Variants in SLC12A6 observed in about 807,000 individuals in gnomAD.
SLC12A6 encodes the protein solute carrier family 12 member 6, also known as K-Cl cotransporter 3.
SLC12A6 carries 66 observed loss-of-function variants against 135.3 expected under a neutral mutation model. The ratio of observed to expected loss-of-function variants is 0.49; its 90% CI spans 0.40 to 0.60. The LOEUF is 0.60. Ranked by LOEUF, SLC12A6 falls within the 20% of genes least tolerant of loss-of-function variation. The pLI is 0.00. For missense variants in SLC12A6, 1,058 were observed against 1,452.3 expected (o/e 0.73, Z 4.41); for synonymous variants, 513 against 508.8 (o/e 1.01, Z -0.11).
At chr15:34,309,750 G>A (rs1007836209) in intron 2 of SLC12A6, among the ~76,000 whole-genome samples, 10 of 152,126 alleles carry the variant, frequency 6.6e-5, no homozygotes, top group Non-Finnish European at 4.4e-5. Flanking sequence ...GATACTGCGG[G>A]TTGGGGAAGG....
chr15:34,288,450 T>C (rs959262213), intron 2 of SLC12A6, among the ~76,000 whole-genome samples: 1 of 152,272 alleles, frequency 6.6e-6, no homozygotes, highest in African/African-American at 2.4e-5. Context: ...TGCACAGGAT[T>C]GCCTTGGCAA....
chr15:34,270,657 G>A (rs1382593986), intron 3 of SLC12A6, among the ~76,000 whole-genome samples: 2 of 151,908 alleles, frequency 1.3e-5, no homozygotes. Flanking sequence ...ACAAAAATTA[G>A]CCAGGTGTGA....
intron 2 of SLC12A6, among the ~76,000 whole-genome samples, chr15:34,296,802 A>G (rs548034472): frequency 2.0e-5 from 3 of 152,346 alleles, no homozygotes; most frequent in African/African-American, 7.2e-5. Flanking sequence ...GGAATCCAAC[A>G]GAGAGTCAGG....
At chr15:34,311,107 CCTCT>C (rs1230122705) in intron 2 of SLC12A6, among the ~76,000 whole-genome samples, 2 of 151,958 alleles carry the variant, frequency 1.3e-5, no homozygotes, top group Admixed American at 1.3e-4. Context: ...AGTACAGGTT[CCTCT>C]CTCTATTGTG....
At chr15:34,238,717 A>C (rs1220560787) in intron 20 of SLC12A6, 1 of 603,616 alleles carries the variant, frequency 1.7e-6, no homozygotes, top group African/African-American at 1.9e-5. Context: ...GAAAATCACA[A>C]ATGAAAACAC....
At chr15:34,330,417 A>G (rs1004658147) in intron 2 of SLC12A6, among the ~76,000 whole-genome samples, 2 of 152,358 alleles carry the variant, frequency 1.3e-5, no homozygotes, top group East Asian at 3.9e-4. Flanking sequence ...TCACGCCTGT[A>G]ATCCTAGCAC....
rs560304315 is a variant in SLC12A6 at position 34,229,952 on chromosome 15, G to A, written c.*3929C>T. On this transcript the variant is annotated 3_prime_UTR_variant, in exon 26 of 26. Transcript: ENST00000354181. Reference sequence around the variant, plus strand: ...GTGACAGGTCCTAGAAGGACAATGTGCATATTACGACAAACACAAAGAAAC... The same window carrying A: ...GTGACAGGTCCTAGAAGGACAATGTACATATTACGACAAACACAAAGAAAC... 1.5e-6 allele frequency: 1 copy of A among 681,734 alleles called. No individual in the cohort carries two copies. 42.2% of individuals were successfully genotyped at this position (681,734 alleles called of 1,614,324 possible).
chr15:34,237,904 C>A (rs534834617), intron 21 of SLC12A6, among the ~76,000 whole-genome samples: 17 of 152,244 alleles, frequency 1.1e-4, no homozygotes, highest in Middle Eastern at 3.4e-3. Flanking sequence ...ACGGAATGAG[C>A]GCATATATGC....
rs1566801096 is a variant in SLC12A6 at position 34,238,270 on chromosome 15, T to C, written c.2764A>G (p.Met922Val). The C allele has an allele frequency of 6.2e-7, 1 of 1,613,640 alleles. No individual in the cohort carries two copies. Among genetic ancestry groups the C allele is most frequent in the Non-Finnish European group, 8.5e-7 (1 of 1,179,558 alleles). ...AGTAGGAATGGTAGTAGCATAAGCATCCCCCCATCATGCACAATCCACCAC... is the reference window on the plus strand; with the variant it reads ...AGTAGGAATGGTAGTAGCATAAGCACCCCCCCATCATGCACAATCCACCAC... ...DVWWIVHDGG[M>V]LMLLPFLLKQ... Residue 922 changes from methionine (M) to valine (V), a missense_variant, in exon 21 of 26, where the codon ATG becomes GTG. Met to Val is a conservative substitution (Grantham distance 21, BLOSUM62 1). Transcript: ENST00000354181.
chr15:34,317,318 A>C (rs1343622555), intron 2 of SLC12A6, among the ~76,000 whole-genome samples: 1 of 152,246 alleles, frequency 6.6e-6, no homozygotes, highest in Non-Finnish European at 1.5e-5. Context: ...AATGGTTTTA[A>C]GAAAAAGATA....
intron 15 of SLC12A6, among the ~76,000 whole-genome samples, chr15:34,244,639 C>A (rs1210873672): frequency 6.6e-6 from 1 of 152,230 alleles, no homozygotes; most frequent in Non-Finnish European, 1.5e-5. Flanking sequence ...CCAAGCCAAA[C>A]TACTTCCAGT....
intron 2 of SLC12A6, among the ~76,000 whole-genome samples, chr15:34,331,717 T>G (rs1409105524): frequency 1.3e-5 from 2 of 152,168 alleles, no homozygotes; most frequent in African/African-American, 4.8e-5. Flanking sequence ...AAACAAAATA[T>G]AGTGATATAG....
chr15:34,329,320 C>T (rs535964658), intron 2 of SLC12A6, among the ~76,000 whole-genome samples: 2 of 152,218 alleles, frequency 1.3e-5, no homozygotes, highest in African/African-American at 4.8e-5. Context: ...ATGTTAGACA[C>T]GAAGGGCAAA....
chr15:34,285,717 T>TATACACACACACACACA (rs144158165), intron 2 of SLC12A6, among the ~76,000 whole-genome samples: 93 of 131,110 alleles, frequency 7.1e-4, no homozygotes, highest in Non-Finnish European at 1.3e-3. Flanking sequence ...TGTGTGTTTG[T>TATACACACACACACACA]CATACATAAA....
chr15:34,315,214 G>A (rs547261984), intron 2 of SLC12A6, among the ~76,000 whole-genome samples: 4 of 152,278 alleles, frequency 2.6e-5, no homozygotes, highest in East Asian at 1.9e-4. Flanking sequence ...ATCAAACAAC[G>A]TTGCATGCTA....
At chr15:34,268,948 C>T (rs1401818664) in intron 3 of SLC12A6, among the ~76,000 whole-genome samples, 1 of 152,012 alleles carries the variant, frequency 6.6e-6, no homozygotes, top group Admixed American at 6.6e-5. Context: ...CCTCCGCCTC[C>T]AGGGTTCAAG....
At chr15:34,320,158 A>G (rs1408872466) in intron 2 of SLC12A6, among the ~76,000 whole-genome samples, 1 of 152,218 alleles carries the variant, frequency 6.6e-6, no homozygotes, top group Non-Finnish European at 1.5e-5. Context: ...ATTTAACTGA[A>G]GCAATGATGC....
At chr15:34,268,541 A>T (rs1163709087) in intron 3 of SLC12A6, among the ~76,000 whole-genome samples, 1 of 152,226 alleles carries the variant, frequency 6.6e-6, no homozygotes, top group African/African-American at 2.4e-5. Context: ...ATTAGAAGTG[A>T]TTATATTGAA....
chr15:34,264,978 C>T (rs1235958302), intron 3 of SLC12A6, among the ~76,000 whole-genome samples: 5 of 152,122 alleles, frequency 3.3e-5, no homozygotes, highest in African/African-American at 4.8e-5. Flanking sequence ...GGGCGAATCA[C>T]GAGGTCAGGA....
Sources: allele counts gnomAD v4.1 joint callset (sites outside exome capture counted in the v4.1 genomes callset), GRCh38; gene constraint gnomAD v4.1.1; transcripts MANE v1.5; gene names NCBI Gene and HGNC (gene_info 2026-07-23, HGNC 2026-07-21).